Variants in ELF1 observed in about 807,000 individuals in gnomAD.
ELF1 encodes ETS-related transcription factor Elf-1.
Under a neutral mutation model 59.9 loss-of-function variants are expected in ELF1, and 24 were observed. The observed-to-expected ratio is 0.40, with a 90% confidence interval of 0.29 to 0.56. ELF1 has a LOEUF of 0.56. Ranked by LOEUF, ELF1 falls within the 20% of genes least tolerant of loss-of-function variation. The pLI is 0.44. For synonymous variants in ELF1, 248 were observed against 266.2 expected, an observed-to-expected ratio of 0.93 and a Z score of 0.67; for missense variants, 627 against 742.2, an observed-to-expected ratio of 0.84 and a Z score of 1.80.
intron 2 of ELF1, among the ~76,000 whole-genome samples, chr13:40,971,534 C>T (rs1452445743): frequency 1.3e-5 from 2 of 152,174 alleles, no homozygotes; most frequent in African/African-American, 2.4e-5. Context: ...TGCAGGCATG[C>T]GCCACTGCGT....
chr13:41,041,067 T>C (rs1318786111), intron 1 of ELF1, among the ~76,000 whole-genome samples: 2 of 151,964 alleles, frequency 1.3e-5, no homozygotes, highest in Admixed American at 6.6e-5. Context: ...CAGCCAGTCA[T>C]GTAAAGAGGC....
In ELF1 at chr13:40,987,833, A is replaced by G. The variant is rs201393077; in HGVS notation, c.-228-5551T>C. Among the ~76,000 whole-genome samples the G allele has an allele frequency of 2.8e-3, 419 of 152,310 alleles. 6 individuals are homozygous for G. In the East Asian group the frequency reaches 0.052, roughly 19 times the overall value. ...AGTAACTCTAGACACCAAGTAACTG[A>G]ACAGAAAGAACTTTCACAAGATGTG... On this transcript the variant is annotated intron_variant, in intron 1 of 8. Coordinates refer to ENST00000239882, the MANE Select transcript of ELF1 (RefSeq NM_172373.4).
chr13:40,947,235 A>G (rs1870562616), intron 5 of ELF1, among the ~76,000 whole-genome samples: 2 of 152,166 alleles, frequency 1.3e-5, no homozygotes, highest in South Asian at 4.1e-4. Flanking sequence ...CAAATACTAC[A>G]TATTTAAGAA....
intron 1 of ELF1, among the ~76,000 whole-genome samples, chr13:41,016,949 T>A (rs12560336): frequency 0.021 from 594 of 28,418 alleles, 1 homozygote; most frequent in Non-Finnish European, 0.028. Context: ...AAAAAAAAAA[T>A]ATATATATAT....
intron 8 of ELF1, 147 bp from the exon 9 acceptor site, chr13:40,934,175 A>T: frequency 9.2e-7 from 1 of 1,089,028 alleles, no homozygotes; most frequent in Non-Finnish European, 1.3e-6. Flanking sequence ...GACCAATATC[A>T]TGCCAGACTT....
At chr13:41,025,094 G>A (rs142282898) in intron 1 of ELF1, among the ~76,000 whole-genome samples, 9 of 152,006 alleles carry the variant, frequency 5.9e-5, no homozygotes, top group South Asian at 2.1e-4. Context: ...CTATTATGGC[G>A]TTCAAGGCTT....
chr13:41,057,645 T>TC (rs1253639905), intron 1 of ELF1, among the ~76,000 whole-genome samples: 1 of 152,182 alleles, frequency 6.6e-6, no homozygotes, highest in African/African-American at 2.4e-5. Flanking sequence ...GTGCTAGGAT[T>TC]ACAAGCATAA....
At chr13:40,952,840 C>CAA (rs1431530810) in intron 3 of ELF1, among the ~76,000 whole-genome samples, 1 of 145,038 alleles carries the variant, frequency 6.9e-6, no homozygotes, top group South Asian at 2.1e-4. Flanking sequence ...TCACTGCCCT[C>CAA]AAGTCCTTAC....
chr13:41,047,933 G>A (rs1013213772), intron 1 of ELF1, among the ~76,000 whole-genome samples: 3 of 152,226 alleles, frequency 2.0e-5, no homozygotes, highest in East Asian at 1.9e-4. Flanking sequence ...CACCCAGTTC[G>A]AGCTTCAGGC....
chr13:41,059,669 G>A (rs1203835447), intron 1 of ELF1, among the ~76,000 whole-genome samples: 1 of 152,130 alleles, frequency 6.6e-6, no homozygotes, highest in Non-Finnish European at 1.5e-5. Flanking sequence ...TCTAATTTCA[G>A]CTTGCATTTA....
At chr13:41,032,015 T>C (rs1876185885) in intron 1 of ELF1, among the ~76,000 whole-genome samples, 1 of 151,998 alleles carries the variant, frequency 6.6e-6, no homozygotes, top group South Asian at 2.1e-4. Context: ...TTTTATCTTA[T>C]AGCAGTAGAA....
chr13:41,059,918 G>C (rs1248651594), intron 1 of ELF1, among the ~76,000 whole-genome samples: 1 of 152,098 alleles, frequency 6.6e-6, no homozygotes. Flanking sequence ...AGACCCTTTG[G>C]AAAGTCGATA....
Position 40,932,155 on chromosome 13 carries a change from C to T in ELF1, c.*1270G>A, listed in dbSNP as rs1030451442. On this transcript the variant is annotated 3_prime_UTR_variant, in exon 9 of 9. Coordinates refer to ENST00000239882, the MANE Select transcript of ELF1 (RefSeq NM_172373.4). ...TGTAATATGAAAACATAGCATTAGA[C>T]CTCTAAACATAATGATTTTTTTCAT... is the stretch of plus-strand genomic sequence containing the variant. 3.3e-5 allele frequency: 5 copies of T among 151,896 alleles called. No individual in the cohort carries two copies. Among genetic ancestry groups the T allele is most frequent in the African/African-American group, 4.8e-5 (2 of 41,352 alleles). 9.4% of individuals were successfully genotyped at this position (151,896 alleles called of 1,614,324 possible). A position where few individuals can be genotyped will look rare whatever the true frequency, so the allele number is the denominator to read the frequency against.
At chr13:41,038,504 G>A (rs544218230) in intron 1 of ELF1, among the ~76,000 whole-genome samples, 1 of 151,458 alleles carries the variant, frequency 6.6e-6, no homozygotes, top group East Asian at 2.0e-4. Context: ...GTGACAGCGA[G>A]ACCCCGTCTC....
At chr13:41,037,507 T>C (rs1015786086) in intron 1 of ELF1, among the ~76,000 whole-genome samples, 2 of 152,082 alleles carry the variant, frequency 1.3e-5, no homozygotes, top group Admixed American at 6.5e-5. Context: ...CTTTAGAAAT[T>C]AGTTTGAGGC....
chr13:40,965,727 C>A (rs901364084), intron 2 of ELF1, among the ~76,000 whole-genome samples: 1 of 152,170 alleles, frequency 6.6e-6, no homozygotes, highest in Non-Finnish European at 1.5e-5. Flanking sequence ...CCTTCCAAAC[C>A]TTCCAAACAC....
At chr13:40,956,388 G>C (rs890434688) in intron 3 of ELF1, among the ~76,000 whole-genome samples, 1 of 151,976 alleles carries the variant, frequency 6.6e-6, no homozygotes, top group African/African-American at 2.4e-5. Flanking sequence ...CTCGTTAAGA[G>C]TCATCACCAC....
intron 1 of ELF1, among the ~76,000 whole-genome samples, chr13:41,015,823 A>G (rs1875324102): frequency 6.6e-6 from 1 of 152,184 alleles, no homozygotes; most frequent in Non-Finnish European, 1.5e-5. Context: ...TGAATTTGTC[A>G]CGTAAGATGG....
intron 1 of ELF1, among the ~76,000 whole-genome samples, chr13:41,054,201 C>T (rs1877206795): frequency 6.6e-6 from 1 of 152,158 alleles, no homozygotes; most frequent in South Asian, 2.1e-4. Flanking sequence ...ATCATTGCAG[C>T]TTTTTAAAAC....
Sources: allele counts gnomAD v4.1 joint callset (sites outside exome capture counted in the v4.1 genomes callset), GRCh38; gene constraint gnomAD v4.1.1; transcripts MANE v1.5; gene names NCBI Gene and HGNC (gene_info 2026-07-23, HGNC 2026-07-21).